The following STK32A variants were observed in gnomAD, a reference collection of about 807,000 sequenced individuals.
STK32A encodes serine/threonine-protein kinase 32A.
In STK32A, 41 loss-of-function variants were observed where a neutral mutation model predicts 53.2. The observed-to-expected ratio is 0.77, with a 90% CI of 0.60 to 1.00. STK32A has a LOEUF of 1.00. Among genes scored for constraint, STK32A ranks in the 50% least tolerant of loss-of-function variants. The pLI, the probability that STK32A is intolerant of heterozygous loss-of-function variation, is 0.00. For synonymous variants in STK32A, 166 were observed against 162.8 expected (o/e 1.02, Z -0.15); for missense variants, 458 against 485.8 (o/e 0.94, Z 0.54).
chr5:147,316,050 A>G (rs1446942949), intron 4 of STK32A, among the ~76,000 whole-genome samples: 11 of 152,224 alleles, frequency 7.2e-5, no homozygotes. Context: ...ATATATCCTA[A>G]TAACAAGAAA....
At chr5:147,373,432 A>G in intron 10 of STK32A, 138 bp downstream of exon 10, 2 of 1,213,858 alleles carry the variant, frequency 1.6e-6, no homozygotes, top group Non-Finnish European at 2.3e-6. Context: ...AGATGAGAGA[A>G]TTGAGACATG....
chr5:147,398,186 GC>G, the STK32A span, among the ~76,000 whole-genome samples: 1 of 152,102 alleles, frequency 6.6e-6, no homozygotes. Flanking sequence ...AGGTTATGTG[GC>G]CTTTAGGTCC....
chr5:147,390,663 A>C (rs1581165165), downstream of STK32A: 1 of 152,156 alleles, frequency 6.6e-6, no homozygotes, highest in South Asian at 2.1e-4. Context: ...AATTTCAAAA[A>C]TAGAAGCCCC....
chr5:147,308,729 T>C (rs2151969758), intron 4 of STK32A, among the ~76,000 whole-genome samples: 1 of 67,446 alleles, frequency 1.5e-5, no homozygotes. Flanking sequence ...CACTAGAAGT[T>C]TTTTTTTTTT....
At chr5:147,334,286 A>G (rs1480900746) in intron 5 of STK32A, among the ~76,000 whole-genome samples, 1 of 152,172 alleles carries the variant, frequency 6.6e-6, no homozygotes, top group Non-Finnish European at 1.5e-5. Flanking sequence ...TCTTCTCTTG[A>G]TTTACAATTA....
chr5:147,278,067 T>G (rs757922798), intron 2 of STK32A, 57 bp from the exon 3 acceptor site: 7 of 1,383,730 alleles, frequency 5.1e-6, no homozygotes, highest in African/African-American at 1.4e-5. Context: ...TATTATTTAT[T>G]AGCTACTAAA....
At chr5:147,276,657 T>C (rs937468483) in intron 2 of STK32A, among the ~76,000 whole-genome samples, 1 of 152,182 alleles carries the variant, frequency 6.6e-6, no homozygotes, top group African/African-American at 2.4e-5. Flanking sequence ...GGAACCAGGG[T>C]GAGCAGAAGG....
rs116671153 is a variant in STK32A at position 147,255,677 on chromosome 5, A to G, written c.52+15991A>G. Among the ~76,000 whole-genome samples the G allele has an allele frequency of 1.9e-3, 291 of 152,304 alleles. 3 individuals carry two copies. The highest frequency in any genetic ancestry group is 6.8e-3 in the African/African-American group (283 of 41,558). ...GCAAACTACCCCTCTTTCTGCTACT[A>G]TCATGTCTAAGGCTATTTTATTTTG... On this transcript the variant is annotated intron_variant, in intron 2 of 12. Transcript: ENST00000397936.
the STK32A span, chr5:147,395,792 T>C: frequency 4.2e-5 from 66 of 1,559,256 alleles, 1 homozygote; most frequent in South Asian, 8.1e-5. Context: ...GTATCATAAA[T>C]ATATTAGTGA....
chr5:147,247,081 G>A (rs1753793513), intron 2 of STK32A, among the ~76,000 whole-genome samples: 1 of 152,252 alleles, frequency 6.6e-6, no homozygotes, highest in East Asian at 1.9e-4. Context: ...CAACTACCTA[G>A]GTTGAAAAAT....
intron 4 of STK32A, among the ~76,000 whole-genome samples, chr5:147,315,146 A>G (rs1753931088): frequency 6.6e-6 from 1 of 152,208 alleles, no homozygotes. Flanking sequence ...TGGTACAGCC[A>G]CTGAAGAAAA....
intron 2 of STK32A, among the ~76,000 whole-genome samples, chr5:147,257,256 C>T (rs12516953): frequency 0.27 from 38,238 of 143,988 alleles, 5,054 homozygotes; most frequent in African/African-American, 0.35. Context: ...GGGGGCGGGG[C>T]GGGGGGTAGG....
chr5:147,259,056 C>G (rs1257304495), intron 2 of STK32A, among the ~76,000 whole-genome samples: 1 of 152,110 alleles, frequency 6.6e-6, no homozygotes, highest in African/African-American at 2.4e-5. Context: ...TTCCTGAATA[C>G]TCATTGTGTC....
intron 4 of STK32A, among the ~76,000 whole-genome samples, chr5:147,294,348 G>T (rs192887195): frequency 5.3e-5 from 8 of 151,956 alleles, no homozygotes; most frequent in African/African-American, 1.9e-4. Flanking sequence ...TGCAACCTCC[G>T]CCTCCTGGGT....
intron 9 of STK32A, among the ~76,000 whole-genome samples, chr5:147,372,533 C>T (rs1757046869): frequency 6.6e-6 from 1 of 151,944 alleles, no homozygotes; most frequent in South Asian, 2.1e-4. Flanking sequence ...GCATGGTTGT[C>T]ATCTTCAGAA....
intron 4 of STK32A, among the ~76,000 whole-genome samples, chr5:147,281,604 T>G (rs576042257): frequency 1.3e-5 from 2 of 151,536 alleles, no homozygotes; most frequent in Admixed American, 6.6e-5. Context: ...AGAAGTCTGA[T>G]ATTATGTTAA....
At chr5:147,397,305 T>C in the STK32A span, among the ~76,000 whole-genome samples, 1 of 152,052 alleles carries the variant, frequency 6.6e-6, no homozygotes, top group Non-Finnish European at 1.5e-5. Context: ...CTGGACAGAA[T>C]GACACAGGGA....
rs963175478 is a variant in STK32A, at chr5:147,384,382, T to C, written c.*399T>C. ...CTCCTTCTAATTATGCAGTGACAAATGGACAAATGGACACAGGACTCAGTG... is the reference window on the plus strand; with the variant it reads ...CTCCTTCTAATTATGCAGTGACAAACGGACAAATGGACACAGGACTCAGTG... On this transcript the variant is annotated 3_prime_UTR_variant, in exon 13 of 13. Transcript: ENST00000397936. 2.1e-5 allele frequency: 32 copies of C among 1,530,936 alleles called. No individual in the cohort carries two copies. The highest frequency in any genetic ancestry group is 2.8e-5 in the Non-Finnish European group (32 of 1,144,098). The allele number at this position is 1,530,936 out of a possible 1,614,324, so 94.8% of individuals were successfully genotyped here. A position where few individuals can be genotyped will look rare whatever the true frequency, so the allele number is the denominator to read the frequency against.
At chr5:147,247,219 A>G (rs767849593) in intron 2 of STK32A, among the ~76,000 whole-genome samples, 3 of 152,208 alleles carry the variant, frequency 2.0e-5, no homozygotes, top group Non-Finnish European at 2.9e-5. Context: ...GCAAATGTCA[A>G]CTCGATTAGA....
Sources: allele counts gnomAD v4.1 joint callset (sites outside exome capture counted in the v4.1 genomes callset), GRCh38; gene constraint gnomAD v4.1.1; transcripts MANE v1.5; gene names NCBI Gene and HGNC (gene_info 2026-07-23, HGNC 2026-07-21).